The following PSORS1C1 variants were observed in gnomAD, a reference collection of about 807,000 sequenced individuals.
PSORS1C1 encodes the protein psoriasis susceptibility 1 candidate 1.
Under a neutral mutation model 9.4 loss-of-function variants are expected in PSORS1C1, and 7 were observed. The ratio of observed to expected loss-of-function variants is 0.75; its 90% CI spans 0.42 to 1.40. The LOEUF (loss-of-function observed/expected upper bound fraction) is 1.40. Ranked by LOEUF, PSORS1C1 falls within the 40% of genes most tolerant of loss-of-function variation. The pLI, the probability that PSORS1C1 is intolerant of heterozygous loss-of-function variation, is 0.01. For missense variants in PSORS1C1, 146 were observed against 178.1 expected, an observed-to-expected ratio of 0.82 and a Z score of 1.02; for synonymous variants, 63 against 69.4, an observed-to-expected ratio of 0.91 and a Z score of 0.46.
At chr6:31,116,488 C>T (rs1772132849) in intron 1 of PSORS1C1, 1 of 1,607,184 alleles carries the variant, frequency 6.2e-7, no homozygotes, top group Non-Finnish European at 8.5e-7. Flanking sequence ...GAGCTGGACC[C>T]CACCAGTCCC....
chr6:31,130,073 C>A (rs550872053), intron 3 of PSORS1C1, among the ~76,000 whole-genome samples: 21 of 152,110 alleles, frequency 1.4e-4, no homozygotes, highest in Admixed American at 2.0e-4. Flanking sequence ...GCCTGGGCGA[C>A]AGAGCAAGAA....
Position 31,139,249 on chromosome 6 carries a change from C to G in PSORS1C1, c.168-392C>G. 2 of 587,814 alleles carry G rather than the reference C, an allele frequency of 3.4e-6. No individual in the cohort carries two copies. The highest frequency in any genetic ancestry group is 4.3e-5 in the South Asian group (2 of 46,616). 36.4% of individuals were successfully genotyped at this position (587,814 alleles called of 1,614,324 possible). On this transcript the variant is annotated intron_variant, in intron 5 of 5. Transcript: ENST00000259881. This position sits in a 1 kb window ranked among gnomAD's most constrained non-coding sequence, Gnocchi z 5.2. ...CCAGCCCAGGACCCAGCTGCCTGCT[C>G]TCCCTATCATGACCCAGAGCCTGCG...
chr6:31,138,115 G>A (rs745876370), intron 3 of PSORS1C1: 2 of 1,604,144 alleles, frequency 1.2e-6, no homozygotes, highest in South Asian at 1.1e-5. Context: ...GGTTCAGGGA[G>A]CCAGACTCCA....
At chr6:31,130,284 G>C (rs944859338) in intron 3 of PSORS1C1, among the ~76,000 whole-genome samples, 2 of 149,304 alleles carry the variant, frequency 1.3e-5, no homozygotes, top group Non-Finnish European at 3.0e-5. Context: ...TTCTGAGACA[G>C]CTCTGTCATC....
chr6:31,139,790 A>T lies in PSORS1C1; in HGVS notation c.317A>T (p.Glu106Val), dbSNP rs1263378413. The T allele has an allele frequency of 6.2e-7, 1 of 1,613,022 alleles. No individual in the cohort carries two copies. The highest frequency in any genetic ancestry group is 1.7e-5 in the Admixed American group (1 of 60,014). Residue 106 changes from glutamate (E) to valine (V), a missense_variant, in exon 6 of 6, where the codon GAA becomes GTA. Glu to Val is a moderately radical substitution (Grantham distance 121). Coordinates refer to ENST00000259881, the MANE Select transcript of PSORS1C1 (RefSeq NM_014068.3). The surrounding 1 kb of genome is among the most constrained non-coding windows in gnomAD (Gnocchi z 5.2). ...LFASVLPMAP[E>V]EAARLQQPQP... ...GCATCAGTCCTGCCAATGGCTCCGGAAGAAGCTGCCAGGCTCCAGCAACCT... is the reference window on the plus strand; with the variant it reads ...GCATCAGTCCTGCCAATGGCTCCGGTAGAAGCTGCCAGGCTCCAGCAACCT...
chr6:31,123,296 C>T (rs1292992304), intron 1 of PSORS1C1, among the ~76,000 whole-genome samples: 1 of 152,218 alleles, frequency 6.6e-6, no homozygotes, highest in Non-Finnish European at 1.5e-5. Context: ...TCTAATCCGC[C>T]GTGCTTTTGG....
At chr6:31,117,300 A>G (rs1772205687) in intron 1 of PSORS1C1, 1 of 1,589,862 alleles carries the variant, frequency 6.3e-7, no homozygotes, top group Non-Finnish European at 8.6e-7. Context: ...CTGGCTTAAA[A>G]GATCCTGCAG....
At chr6:31,126,907 T>A (rs1393657976) in intron 2 of PSORS1C1, among the ~76,000 whole-genome samples, 2 of 152,142 alleles carry the variant, frequency 1.3e-5, no homozygotes, top group Non-Finnish European at 2.9e-5. Flanking sequence ...ACCCCTCTTA[T>A]CTTGCGAGGA....
intron 1 of PSORS1C1, chr6:31,120,325 A>T: frequency 6.4e-7 from 1 of 1,566,364 alleles, no homozygotes; most frequent in Non-Finnish European, 8.7e-7. Flanking sequence ...CAGGGCCCCC[A>T]GCCTCCTACC....
chr6:31,131,597 C>CAAAAAA lies in PSORS1C1; in HGVS notation c.13+1970_13+1975dup, dbSNP rs9281219. Among the ~76,000 whole-genome samples the CAAAAAA allele has an allele frequency of 8.2e-4, 64 of 78,368 alleles. 1 individual carries two copies. Among genetic ancestry groups the CAAAAAA allele is most frequent in the Non-Finnish European group, 1.2e-3 (49 of 42,158 alleles). 51.4% of individuals were successfully genotyped at this position (78,368 alleles called of 152,430 possible). A position where few individuals can be genotyped will look rare whatever the true frequency, so the allele number is the denominator to read the frequency against. On this transcript the variant is annotated intron_variant, in intron 3 of 5. Coordinates refer to ENST00000259881, the MANE Select transcript of PSORS1C1 (RefSeq NM_014068.3). ...GGGTGAAAAGAGCAAGACTCCGTCT[C>CAAAAAA]AAAAAAAAAAAAAAAAAAAAAAAGA... is the stretch of plus-strand genomic sequence containing the variant.
intron 2 of PSORS1C1, among the ~76,000 whole-genome samples, chr6:31,126,069 C>T (rs531695585): frequency 4.5e-4 from 68 of 152,096 alleles, no homozygotes; most frequent in African/African-American, 1.4e-3. Flanking sequence ...ATGGCCTTGG[C>T]GGAGGTGGCA....
At position 31,138,526 on chromosome 6, in the gene PSORS1C1, G is replaced by A. The variant is rs369343173; in HGVS notation, c.43+67G>A. ...CCCCTACCCCCGATGGATCTGAACCGTTCACTTGACCCACTTTAAACTGAC... is the reference window on the plus strand; with the variant it reads ...CCCCTACCCCCGATGGATCTGAACCATTCACTTGACCCACTTTAAACTGAC... On this transcript the variant is annotated intron_variant, in intron 4 of 5. Transcript: ENST00000259881. The A allele has an allele frequency of 7.7e-4, 1,234 of 1,604,506 alleles. 16 individuals carry two copies. The South Asian group carries it at 0.011, about 15-fold the overall frequency.
intron 1 of PSORS1C1, among the ~76,000 whole-genome samples, chr6:31,124,670 A>T (rs1177911064): frequency 6.6e-6 from 1 of 152,180 alleles, no homozygotes; most frequent in Non-Finnish European, 1.5e-5. Flanking sequence ...TAGAGAGAAG[A>T]TTTCTGCTGT....
chr6:31,131,440 T>C (rs1281061309), intron 3 of PSORS1C1, among the ~76,000 whole-genome samples: 1 of 151,442 alleles, frequency 6.6e-6, no homozygotes, highest in Non-Finnish European at 1.5e-5. Context: ...AAAAAAAAAC[T>C]ACAAAAATTA....
chr6:31,138,523 A>G, intron 4 of PSORS1C1, 64 bp downstream of exon 4: 3 of 1,606,674 alleles, frequency 1.9e-6, no homozygotes, highest in Admixed American at 3.3e-5. Flanking sequence ...ATGGATCTGA[A>G]CCGTTCACTT....
chr6:31,122,414 G>C (rs73730231), intron 1 of PSORS1C1, among the ~76,000 whole-genome samples: 3,850 of 152,240 alleles, frequency 0.025, 124 homozygotes, highest in African/African-American at 0.074. Flanking sequence ...CTAGCAGAGT[G>C]TCTTCTGCTC....
At chr6:31,130,415 T>TCG (rs1772855680) in intron 3 of PSORS1C1, among the ~76,000 whole-genome samples, 4 of 63,232 alleles carry the variant, frequency 6.3e-5, no homozygotes, top group Admixed American at 2.9e-4. Context: ...GGCTAATTGT[T>TCG]TGTTTTTTTT....
chr6:31,121,536 T>C (rs1200883431), intron 1 of PSORS1C1, among the ~76,000 whole-genome samples: 1 of 152,194 alleles, frequency 6.6e-6, no homozygotes, highest in Non-Finnish European at 1.5e-5. Context: ...CCTCCTGCTC[T>C]GGCCCCTGCC....
intron 1 of PSORS1C1, among the ~76,000 whole-genome samples, chr6:31,121,804 T>G (rs964734334): frequency 6.6e-6 from 1 of 152,250 alleles, no homozygotes; most frequent in Non-Finnish European, 1.5e-5. Flanking sequence ...AAATGTTTCC[T>G]GTCTGTGCTG....
Sources: gnomAD v4.1 joint callset for allele counts (sites outside exome capture counted in the v4.1 genomes callset) on GRCh38, gnomAD v4.1.1 for gene constraint, Gnocchi (gnomAD v3.1) non-coding constraint, MANE v1.5 for transcripts, NCBI Gene and HGNC (gene_info 2026-07-23, HGNC 2026-07-21) for gene names.